Variants in FYB1 observed in about 807,000 individuals in gnomAD.
The protein encoded by FYB1 is FYN binding protein 1.
In FYB1, 41 loss-of-function variants were observed where a neutral mutation model predicts 94.1. The ratio of observed to expected loss-of-function variants is 0.44; its 90% CI spans 0.34 to 0.57. FYB1 has a LOEUF of 0.57. Ranked by LOEUF, FYB1 falls within the 20% of genes least tolerant of loss-of-function variation. The pLI, the probability that FYB1 is intolerant of heterozygous loss-of-function variation, is 0.02. For synonymous variants in FYB1, 367 were observed against 353.2 expected, an observed-to-expected ratio of 1.04 and a Z score of -0.44; for missense variants, 1,050 against 976.8, an observed-to-expected ratio of 1.07 and a Z score of -1.00.
intron 1 of FYB1, among the ~76,000 whole-genome samples, chr5:39,268,278 A>C (rs1278895009): frequency 7.1e-6 from 1 of 141,716 alleles, no homozygotes; most frequent in Non-Finnish European, 1.5e-5. Context: ...CCTGGGTTGG[A>C]GTGTGGTGAC....
At chr5:39,203,405 A>G (rs1162893657) in intron 1 of FYB1, among the ~76,000 whole-genome samples, 1 of 152,220 alleles carries the variant, frequency 6.6e-6, no homozygotes, top group Admixed American at 6.5e-5. Context: ...CTACCTTTAA[A>G]AAATGAAAGT....
At chr5:39,218,002 G>C (rs1374539079) in intron 1 of FYB1, among the ~76,000 whole-genome samples, 2 of 152,222 alleles carry the variant, frequency 1.3e-5, no homozygotes, top group African/African-American at 2.4e-5. Flanking sequence ...GCCGTAACTT[G>C]GCAAGGTGCA....
intron 10 of FYB1, among the ~76,000 whole-genome samples, chr5:39,129,885 A>C (rs573276812): frequency 2.6e-4 from 40 of 152,238 alleles, no homozygotes; most frequent in African/African-American, 7.5e-4. Context: ...ACTATCATGC[A>C]ATCCAGCAAT....
At chr5:39,143,708 C>T (rs1293463493) in intron 3 of FYB1, among the ~76,000 whole-genome samples, 3 of 152,106 alleles carry the variant, frequency 2.0e-5, no homozygotes, top group Non-Finnish European at 2.9e-5. Context: ...GACTTTTTAT[C>T]ACTAAAACCA....
In FYB1 at chr5:39,226,062, C is replaced by T. The variant is rs12519892; in HGVS notation, c.-27-23075G>A. Among the ~76,000 whole-genome samples the T allele has an allele frequency of 9.0e-3, 1,375 of 152,266 alleles. 60 individuals carry two copies. Among genetic ancestry groups the T allele is most frequent in the Admixed American group, 0.07 (1,067 of 15,288 alleles). ...ACTGTTGCTCTCCTGGCTAGGTAAC[C>T]ACATAAGAGACATTTTCCCCTGAAT... On this transcript the variant is annotated intron_variant, in intron 1 of 1. Transcript: ENST00000510188.
intron 1 of FYB1, among the ~76,000 whole-genome samples, chr5:39,247,036 C>T (rs1268165096): frequency 8.0e-6 from 1 of 124,832 alleles, no homozygotes; most frequent in Non-Finnish European, 1.6e-5. Flanking sequence ...TGTGTAAAGC[C>T]CATAAGATAA....
intron 17 of FYB1, 80 bp from the exon 18 acceptor site, chr5:39,108,342 C>T (rs1385896039): frequency 1.6e-6 from 2 of 1,240,968 alleles, no homozygotes; most frequent in Middle Eastern, 2.7e-4. Flanking sequence ...AATAGAGTAA[C>T]AGTATAATTT....
intron 14 of FYB1, among the ~76,000 whole-genome samples, chr5:39,120,188 G>C (rs1186100123): frequency 1.3e-5 from 2 of 151,738 alleles, no homozygotes; most frequent in Non-Finnish European, 2.9e-5. Flanking sequence ...TAAAAAAGAT[G>C]GTTATTACTG....
intron 1 of FYB1, among the ~76,000 whole-genome samples, chr5:39,205,843 C>G (rs905656186): frequency 6.6e-6 from 1 of 152,112 alleles, no homozygotes; most frequent in African/African-American, 2.4e-5. Context: ...TTTTCTACAT[C>G]TTTAAAATGA....
At chr5:39,197,273 A>T (rs1747918184) in intron 2 of FYB1, among the ~76,000 whole-genome samples, 1 of 152,200 alleles carries the variant, frequency 6.6e-6, no homozygotes, top group Non-Finnish European at 1.5e-5. Context: ...TAGTAATAGA[A>T]TCTCATTTTT....
chr5:39,238,868 C>G (rs765619424), intron 1 of FYB1, among the ~76,000 whole-genome samples: 1 of 152,114 alleles, frequency 6.6e-6, no homozygotes, highest in Non-Finnish European at 1.5e-5. Flanking sequence ...CATGGTCACA[C>G]GTGAAAACCT....
At chr5:39,251,429 G>T (rs1751705948) in intron 1 of FYB1, among the ~76,000 whole-genome samples, 1 of 152,118 alleles carries the variant, frequency 6.6e-6, no homozygotes, top group Non-Finnish European at 1.5e-5. Flanking sequence ...ATTTGAACTG[G>T]AACTGTATTT....
chr5:39,107,513 C>A, intron 18 of FYB1, 48 bp from the exon 19 acceptor site: 1 of 1,326,304 alleles, frequency 7.5e-7, no homozygotes. Context: ...AAAACATATT[C>A]TCTAAGTATT....
chr5:39,174,523 T>A (rs973907865), intron 2 of FYB1, among the ~76,000 whole-genome samples: 6 of 152,214 alleles, frequency 3.9e-5, no homozygotes, highest in Non-Finnish European at 5.9e-5. Context: ...CATTTAGACT[T>A]AGGGATGACA....
chr5:39,170,565 C>A lies in FYB1; in HGVS notation c.1136-16961G>T, dbSNP rs1424150254. ...ATCCATTTCTTTCTCCTCCATTTGA[C>A]CTCCCTTGTGCAAACTTCATCATCT... On this transcript the variant is annotated intron_variant, in intron 2 of 18. Transcript: ENST00000512982. Among the ~76,000 whole-genome samples the A allele has an allele frequency of 2.0e-5, 3 of 152,196 alleles. No individual in the cohort carries two copies. In the East Asian group the frequency reaches 5.8e-4, roughly 29 times the overall value.
At position 39,134,934 on chromosome 5, in the gene FYB1, C is replaced by T. The variant is rs1288931199; in HGVS notation, c.1596G>A (p.Lys532=). The change falls in exon 8 of 19, where the codon AAG becomes AAA. Residue 532 remains lysine, a synonymous_variant. Transcript: ENST00000512982. ...GGATGATTTCAATTTGCTCTCCTTG[C>T]TTGAAGCTCAGTTCATTCTTTCCTC... ...VKGGKNELSF[K]QGEQIEIIRI... 1 of 1,613,966 alleles carries T rather than the reference C, an allele frequency of 6.2e-7. No individual in the cohort carries two copies. The highest frequency in any genetic ancestry group is 8.5e-7 in the Non-Finnish European group (1 of 1,179,868).
intron 2 of FYB1, among the ~76,000 whole-genome samples, chr5:39,201,266 A>G (rs1748290634): frequency 6.6e-6 from 1 of 152,160 alleles, no homozygotes; most frequent in Admixed American, 6.5e-5. Flanking sequence ...TTATGGCCTG[A>G]ATAATTCTTT....
chr5:39,251,950 C>T (rs1751729545), intron 1 of FYB1, among the ~76,000 whole-genome samples: 2 of 152,064 alleles, frequency 1.3e-5, no homozygotes, highest in Admixed American at 6.5e-5. Context: ...CAAGACCATC[C>T]TGGCTAACAC....
intron 2 of FYB1, among the ~76,000 whole-genome samples, chr5:39,154,847 C>T (rs1297241529): frequency 2.0e-5 from 3 of 152,182 alleles, no homozygotes; most frequent in African/African-American, 7.2e-5. Flanking sequence ...CCGCCTTGTC[C>T]TCCCAAAGTG....
Sources: gnomAD v4.1 joint callset for allele counts (sites outside exome capture counted in the v4.1 genomes callset) on GRCh38, gnomAD v4.1.1 for gene constraint, MANE v1.5 for transcripts, NCBI Gene and HGNC (gene_info 2026-07-23, HGNC 2026-07-21) for gene names.